LIPM: variants seen among roughly 807,000 people sequenced by gnomAD.
LIPM encodes the protein lipase family member M, also known as lipase member M.
A neutral mutation model predicts 42.4 loss-of-function variants in LIPM; 42 were observed. The ratio of observed to expected loss-of-function variants is 0.99; its 90% confidence interval spans 0.77 to 1.28. The LOEUF (loss-of-function observed/expected upper bound fraction) is 1.28, where lower values mean the gene tolerates loss of function less well. LIPM is among the 50% of genes most tolerant of loss of function. LIPM has a pLI of 0.00. For synonymous variants in LIPM, 177 were observed against 173.3 expected (o/e 1.02, Z -0.17); for missense variants, 524 against 520.1 (o/e 1.01, Z -0.07).
At chr10:88,814,228 A>T (rs965164962) in intron 3 of LIPM, among the ~76,000 whole-genome samples, 2 of 152,204 alleles carry the variant, frequency 1.3e-5, no homozygotes, top group Non-Finnish European at 2.9e-5. Flanking sequence ...GGTTCTGCTT[A>T]ACAGTAGAAC....
At chr10:88,816,680 T>C (rs1843721586) in intron 6 of LIPM, 136 bp from the exon 7 acceptor site, 1 of 618,406 alleles carries the variant, frequency 1.6e-6, no homozygotes, top group South Asian at 2.0e-5. Context: ...TGTACATATT[T>C]TTGTTTCATA....
intron 1 of LIPM, among the ~76,000 whole-genome samples, chr10:88,807,288 A>T (rs3979139): frequency 0.37 from 56,322 of 152,086 alleles, 10,736 homozygotes; most frequent in East Asian, 0.59. Flanking sequence ...AGTTTATGTA[A>T]TAGTGTTAGA....
chr10:88,813,303 A>G lies in LIPM; in HGVS notation c.464+8A>G. 6.4e-7 allele frequency: 1 copy of G among 1,568,784 alleles called. No homozygotes were observed. The highest frequency in any genetic ancestry group is 8.7e-7 in the Non-Finnish European group (1 of 1,154,296). ...TGAGTTCTGGGCTTTCAGGTATATG[A>G]TAATCTCGAGAACAGAGGTAGACAT... On this transcript the variant is annotated splice_region_variant and intron_variant, in intron 3 of 8. Transcript: ENST00000404743.
Position 88,815,145 on chromosome 10 carries a change from C to T in LIPM, c.632C>T (p.Ala211Val), listed in dbSNP as rs966389888. ...GCTCAGAAAATCAAAATGTATTTTG[C>T]TTTAGCACCCATAGCCACTGTTAAG... ...ELAQKIKMYFALAPIATVKHA... is the reference protein window; with the variant it reads ...ELAQKIKMYFVLAPIATVKHA... Residue 211 changes from alanine (A) to valine (V), a missense_variant, in exon 5 of 9, where the codon GCT (alanine) becomes GTT (valine). By Grantham distance (64) the Ala-to-Val change is moderately conservative. Coordinates refer to ENST00000404743, the MANE Select transcript of LIPM (RefSeq NM_001128215.1). 1.3e-6 allele frequency: 2 copies of T among 1,551,410 alleles called. No individual in the cohort carries two copies. The highest frequency in any genetic ancestry group is 8.7e-7 in the Non-Finnish European group (1 of 1,146,882).
At chr10:88,819,272 G>C (rs945951160) in intron 8 of LIPM, among the ~76,000 whole-genome samples, 24 of 152,258 alleles carry the variant, frequency 1.6e-4, no homozygotes, top group African/African-American at 5.5e-4. Flanking sequence ...CAGAAAATGG[G>C]AGTGGAAGGG....
intron 2 of LIPM, among the ~76,000 whole-genome samples, chr10:88,809,460 T>C (rs758049607): frequency 1.3e-5 from 2 of 152,224 alleles, no homozygotes; most frequent in Non-Finnish European, 2.9e-5. Context: ...TTCTTGTGTA[T>C]AGGTAATATA....
chr10:88,815,080 T>A lies in LIPM; in HGVS notation c.575-8T>A. On this transcript the variant is annotated splice_region_variant and splice_polypyrimidine_tract_variant and intron_variant, in intron 4 of 8. Transcript: ENST00000404743. ...CGTATTCATGTTGACATATTTCTTC[T>A]TTTGCAGGCTTTATTGCATTTTCCA... The A allele has an allele frequency of 6.6e-7, 1 of 1,526,258 alleles. No individual in the cohort carries two copies. The highest frequency in any genetic ancestry group is 8.8e-7 in the Non-Finnish European group (1 of 1,139,642). 94.5% of individuals were successfully genotyped at this position (1,526,258 alleles called of 1,614,324 possible). A position where few individuals can be genotyped will look rare whatever the true frequency, so the allele number is the denominator to read the frequency against.
At position 88,816,486 on chromosome 10, in the gene LIPM, A is replaced by G. The variant is rs546866906; in HGVS notation, c.859-330A>G. The stretch of plus-strand genomic sequence containing the variant: ...TTTAGTAGATTAAGTGACTCACTCA[A>G]ATTCACCTAAAAATTAAACTGCAGA... On this transcript the variant is annotated intron_variant, in intron 6 of 8. Transcript: ENST00000404743. 1.3e-4 allele frequency among the ~76,000 whole-genome samples: 20 copies of G among 152,264 alleles called. No individual in the cohort carries two copies. The East Asian group carries it at 3.7e-3, about 28-fold the overall frequency.
chr10:88,806,142 T>C (rs144741976), intron 1 of LIPM: 34 of 355,316 alleles, frequency 9.6e-5, no homozygotes, highest in African/African-American at 6.3e-4. Flanking sequence ...CAGTCCTTTA[T>C]TGCCTGCATA....
In LIPM at chr10:88,817,309, G is replaced by A. The variant is rs143921133; in HGVS notation, c.930+422G>A. On this transcript the variant is annotated intron_variant, in intron 7 of 8. Transcript: ENST00000404743. ...GTCCTTCACACTGCAAACTTTACCT[G>A]CAATTACAGGAAACACACACCTCTG... Among the ~76,000 whole-genome samples the A allele has an allele frequency of 2.0e-3, 310 of 152,252 alleles. 1 individual carries two copies. Among genetic ancestry groups the A allele is most frequent in the African/African-American group, 7.1e-3 (295 of 41,548 alleles).
At position 88,813,264 on chromosome 10, in the gene LIPM, T is replaced by C. The variant is rs764673276; in HGVS notation, c.433T>C (p.Ser145Pro). 1.2e-5 allele frequency: 19 copies of C among 1,610,560 alleles called. 1 individual carries two copies. The highest frequency in any genetic ancestry group is 1.4e-5 in the Non-Finnish European group (16 of 1,178,006). Reference sequence around the variant, plus strand: ...CTGGTCTCGAAAACACAAGACACTCTCCATAGACCAAGATGAGTTCTGGGC... The same window carrying C: ...CTGGTCTCGAAAACACAAGACACTCCCCATAGACCAAGATGAGTTCTGGGC... The part of the protein sequence containing the change: ...NAWSRKHKTL[S>P]IDQDEFWAFS... Residue 145 changes from serine (S) to proline (P), a missense_variant, in exon 3 of 9, where the codon TCC becomes CCC. Ser to Pro is a moderately conservative substitution (Grantham distance 74). Transcript: ENST00000404743.
intron 6 of LIPM, among the ~76,000 whole-genome samples, 168 bp downstream of exon 6, chr10:88,815,671 G>A (rs1843711126): frequency 6.6e-6 from 1 of 152,196 alleles, no homozygotes; most frequent in African/African-American, 2.4e-5. Context: ...CTTCAGTATG[G>A]ACTGAAACAA....
chr10:88,813,371 G>A, intron 3 of LIPM, 76 bp downstream of exon 3: 1 of 1,215,366 alleles, frequency 8.2e-7, no homozygotes, highest in South Asian at 1.6e-5. Context: ...ACGGCTTCTA[G>A]TATTTGGTTG....
chr10:88,809,082 G>A (rs1421798059), intron 2 of LIPM, among the ~76,000 whole-genome samples: 1 of 151,918 alleles, frequency 6.6e-6, no homozygotes, highest in East Asian at 1.9e-4. Flanking sequence ...AGCCTCCCAA[G>A]TAGCTGGGAT....
chr10:88,820,103 G>A lies in LIPM; in HGVS notation c.1003-129G>A. Reference sequence around the variant, plus strand: ...GGGAACAGAAATTCTTAACAGAGTTGTGTGGCTCTAACACCCATGTACCCT... The same window carrying A: ...GGGAACAGAAATTCTTAACAGAGTTATGTGGCTCTAACACCCATGTACCCT... On this transcript the variant is annotated intron_variant, in intron 8 of 8. Transcript: ENST00000404743. 6 of 686,246 alleles carry A rather than the reference G, an allele frequency of 8.7e-6. No homozygotes were observed. The South Asian group carries it at 1.2e-4, about 14-fold the overall frequency. 42.5% of individuals were successfully genotyped at this position (686,246 alleles called of 1,614,324 possible).
In LIPM at chr10:88,820,396, C is replaced by T. The variant is rs1843774634; in HGVS notation, c.1167C>T (p.Phe389=). The change falls in exon 9 of 9, where the codon TTC becomes TTT. Residue 389 remains phenylalanine, a synonymous_variant. Coordinates refer to ENST00000404743, the MANE Select transcript of LIPM (RefSeq NM_001128215.1). ...KNIPEWAHVD[F]IWGLDAPHRM... is the part of the protein sequence containing the mutation. ...TTCCTGAATGGGCTCACGTGGATTT[C>T]ATCTGGGGTTTGGATGCTCCTCACC... 3 of 1,552,124 alleles carry T rather than the reference C, an allele frequency of 1.9e-6. No individual in the cohort carries two copies. In the African/African-American group the frequency reaches 4.1e-5, roughly 21 times the overall value.
At chr10:88,819,013 G>A (rs539948394) in intron 8 of LIPM, among the ~76,000 whole-genome samples, 23 of 151,920 alleles carry the variant, frequency 1.5e-4, no homozygotes, top group South Asian at 1.2e-3. Context: ...TCAGCCTCCC[G>A]AGTAGCTGGG....
chr10:88,817,730 C>G (rs896046997), intron 7 of LIPM, 95 bp from the exon 8 acceptor site: 2 of 790,780 alleles, frequency 2.5e-6, no homozygotes, highest in African/African-American at 3.4e-5. Flanking sequence ...CTCTCCTTCC[C>G]TCATGAGTGC....
intron 7 of LIPM, among the ~76,000 whole-genome samples, chr10:88,817,555 C>A (rs1354778083): frequency 6.6e-6 from 1 of 152,210 alleles, no homozygotes; most frequent in African/African-American, 2.4e-5. Flanking sequence ...GTGGAGGATA[C>A]CCACTCACAT....
Sources: gnomAD v4.1 joint callset for allele counts (sites outside exome capture counted in the v4.1 genomes callset) on GRCh38, gnomAD v4.1.1 for gene constraint, MANE v1.5 for transcripts, NCBI Gene and HGNC (gene_info 2026-07-23, HGNC 2026-07-21) for gene names.